Variants in SORCS2 observed in about 807,000 individuals in gnomAD.
SORCS2 encodes sortilin related VPS10 domain containing receptor 2.
SORCS2 carries 100 observed loss-of-function variants against 141.6 expected under a neutral mutation model. The observed-to-expected ratio is 0.71, with a 90% confidence interval of 0.60 to 0.83. The LOEUF (loss-of-function observed/expected upper bound fraction) is 0.83, where lower values mean the gene tolerates loss of function less well. Among genes scored for constraint, SORCS2 ranks in the 40% least tolerant of loss-of-function variants. The pLI is 0.00. For missense variants in SORCS2, 1,646 were observed against 1,560.2 expected, an observed-to-expected ratio of 1.05 and a Z score of -0.93; for synonymous variants, 789 against 676.9, an observed-to-expected ratio of 1.17 and a Z score of -2.57.
At chr4:7,686,753 G>A (rs927747732) in intron 10 of SORCS2, among the ~76,000 whole-genome samples, 2 of 152,226 alleles carry the variant, frequency 1.3e-5, no homozygotes, top group Admixed American at 6.5e-5. Flanking sequence ...TTTTCACCTG[G>A]TGTCCCAGGC....
chr4:7,551,485 T>A (rs1014219170), intron 3 of SORCS2, among the ~76,000 whole-genome samples: 1 of 152,170 alleles, frequency 6.6e-6, no homozygotes, highest in African/African-American at 2.4e-5. Context: ...CAGAGGGCAG[T>A]CAAGGGCTAT....
chr4:7,450,103 G>C (rs925458584), intron 2 of SORCS2, among the ~76,000 whole-genome samples: 1 of 152,194 alleles, frequency 6.6e-6, no homozygotes, highest in Non-Finnish European at 1.5e-5. Context: ...TGGTGCCTTC[G>C]GGACCTGGGC....
intron 1 of SORCS2, among the ~76,000 whole-genome samples, chr4:7,373,581 C>T (rs1386622792): frequency 6.8e-6 from 1 of 147,474 alleles, no homozygotes; most frequent in East Asian, 2.1e-4. Flanking sequence ...CAACCTCCAC[C>T]TCCCAGGTTC....
intron 2 of SORCS2, among the ~76,000 whole-genome samples, chr4:7,443,624 G>A (rs1560288715): frequency 6.6e-6 from 1 of 152,180 alleles, no homozygotes; most frequent in Non-Finnish European, 1.5e-5. Flanking sequence ...AGAGACCCAG[G>A]GTCCACGGCA....
At position 7,547,611 on chromosome 4, in the gene SORCS2, T is replaced by A. The variant is rs527581977; in HGVS notation, c.648+15982T>A. 2.0e-5 allele frequency among the ~76,000 whole-genome samples: 3 copies of A among 152,300 alleles called. No homozygotes were observed. In the South Asian group the frequency reaches 6.2e-4, roughly 32 times the overall value. ...CCCCATTCTTTGTGGCCAATTCCTG[T>A]TTACCCTGCAGCTTTTGGTTCAGAT... On this transcript the variant is annotated intron_variant, in intron 3 of 26. Transcript: ENST00000507866.
At chr4:7,503,495 TAGAGAGACAGAGATGGAGACAG>T (rs1431812495) in intron 2 of SORCS2, among the ~76,000 whole-genome samples, 4 of 151,510 alleles carry the variant, frequency 2.6e-5, no homozygotes, top group African/African-American at 9.7e-5. Flanking sequence ...GGCAGAGACA[TAGAGAGACAGAGATGGAGACAG>T]AGAGAGACAG....
chr4:7,400,489 C>CCAG (rs1297560007), intron 2 of SORCS2, among the ~76,000 whole-genome samples: 19 of 151,362 alleles, frequency 1.3e-4, no homozygotes, highest in African/African-American at 4.6e-4. Context: ...ACCACCACCA[C>CCAG]TAGAACATAG....
At chr4:7,306,230 A>C (rs1011810804) in intron 1 of SORCS2, among the ~76,000 whole-genome samples, 4 of 152,160 alleles carry the variant, frequency 2.6e-5, no homozygotes, top group African/African-American at 7.2e-5. Context: ...GCTCCCCTCC[A>C]GAGCCCACAG....
chr4:7,710,051 T>C (rs1398066411), intron 14 of SORCS2, among the ~76,000 whole-genome samples: 1 of 152,202 alleles, frequency 6.6e-6, no homozygotes, highest in African/African-American at 2.4e-5. Flanking sequence ...TGAGGTTTCA[T>C]AAAAGGCAGG....
intron 1 of SORCS2, among the ~76,000 whole-genome samples, chr4:7,234,222 G>A (rs1712103672): frequency 1.3e-5 from 2 of 152,342 alleles, no homozygotes; most frequent in South Asian, 4.1e-4. Flanking sequence ...GAGATGTGCT[G>A]GGTCTGAGCT....
intron 2 of SORCS2, among the ~76,000 whole-genome samples, chr4:7,508,738 A>G (rs1732427600): frequency 1.3e-5 from 2 of 152,188 alleles, no homozygotes; most frequent in Non-Finnish European, 2.9e-5. Context: ...CCACAGATCT[A>G]TTTTTGTTGC....
At chr4:7,237,123 G>A (rs1010713668) in intron 1 of SORCS2, among the ~76,000 whole-genome samples, 4 of 152,210 alleles carry the variant, frequency 2.6e-5, no homozygotes, top group Admixed American at 1.3e-4. Flanking sequence ...AAGTCCGGCC[G>A]AGAACAGAAA....
At chr4:7,285,924 G>A (rs1220649442) in intron 1 of SORCS2, among the ~76,000 whole-genome samples, 4 of 152,286 alleles carry the variant, frequency 2.6e-5, no homozygotes, top group East Asian at 1.9e-4. Context: ...GCGTGAGGCC[G>A]ACAGCCTGGG....
chr4:7,337,524 G>A (rs1720061781), intron 1 of SORCS2, among the ~76,000 whole-genome samples: 1 of 152,132 alleles, frequency 6.6e-6, no homozygotes, highest in African/African-American at 2.4e-5. Flanking sequence ...GAGGGCAGCG[G>A]AGACCTGGCT....
rs574646684 is a variant in SORCS2 at position 7,639,901 on chromosome 4, GTGTT to G, written c.813+1413_813+1416del. ...AGTGCATGGGTGTGCACGTGAAAGT[GTGTT>G]TGTGGGTGTGTGTGTGTTTGTGAGA... On this transcript the variant is annotated intron_variant, in intron 4 of 26. Coordinates refer to ENST00000507866, the MANE Select transcript of SORCS2 (RefSeq NM_020777.3). Among the ~76,000 whole-genome samples, 36 of 139,412 alleles carry G rather than the reference GTGTT, an allele frequency of 2.6e-4. No homozygotes were observed. In the South Asian group the frequency reaches 4.2e-3, roughly 16 times the overall value. The allele number at this position is 139,412 out of a possible 152,430, so 91.5% of individuals were successfully genotyped here.
intron 1 of SORCS2, among the ~76,000 whole-genome samples, chr4:7,215,803 C>G (rs866254133): frequency 6.6e-6 from 1 of 152,096 alleles, no homozygotes; most frequent in Admixed American, 6.5e-5. Context: ...GTGTATCTAA[C>G]TAATCTGATG....
chr4:7,533,094 A>T (rs905528881), intron 3 of SORCS2, among the ~76,000 whole-genome samples: 1 of 152,154 alleles, frequency 6.6e-6, no homozygotes, highest in Non-Finnish European at 1.5e-5. Context: ...AGGCATCATT[A>T]TCCCCCTTTC....
intron 1 of SORCS2, among the ~76,000 whole-genome samples, chr4:7,285,725 A>G (rs1716174116): frequency 6.6e-6 from 1 of 152,196 alleles, no homozygotes; most frequent in Non-Finnish European, 1.5e-5. Flanking sequence ...CCAGACCGCC[A>G]ACAGAAGCTT....
At chr4:7,305,132 T>C (rs547912212) in intron 1 of SORCS2, among the ~76,000 whole-genome samples, 244 of 151,878 alleles carry the variant, frequency 1.6e-3, no homozygotes, top group African/African-American at 4.9e-3. Flanking sequence ...CCCGGGTTCG[T>C]GCCATTCTCC....
Sources: gnomAD v4.1 joint callset for allele counts (sites outside exome capture counted in the v4.1 genomes callset) on GRCh38, gnomAD v4.1.1 for gene constraint, MANE v1.5 for transcripts, NCBI Gene and HGNC (gene_info 2026-07-23, HGNC 2026-07-21) for gene names.